NOSIP: variants seen among roughly 807,000 people sequenced by gnomAD.
NOSIP encodes nitric oxide synthase interacting protein.
NOSIP carries 25 observed loss-of-function variants against 36.4 expected under a neutral mutation model. That is an observed-to-expected ratio of 0.69 (90% CI 0.50 to 0.96). The LOEUF is 0.96. NOSIP is among the 40% of genes least tolerant of loss of function. The pLI, the probability that NOSIP is intolerant of heterozygous loss-of-function variation, is 0.00. For synonymous variants in NOSIP, 187 were observed against 179.2 expected, an observed-to-expected ratio of 1.04 and a Z score of -0.35; for missense variants, 370 against 429.0, an observed-to-expected ratio of 0.86 and a Z score of 1.21.
At position 49,560,358 on chromosome 19, in the gene NOSIP, T is replaced by C. The variant is rs77834683; in HGVS notation, c.70+264A>G. On this transcript the variant is annotated intron_variant, in intron 2 of 8. Coordinates refer to ENST00000596358, the MANE Select transcript of NOSIP (RefSeq NM_001270960.2). This position sits in a 1 kb window ranked among gnomAD's most constrained non-coding sequence, Gnocchi z 4.6. ...CTGTCCCTCTTTGGGCCTCAGTTTCTTCCTCTGGAACATGGGGTAACAAGA... is the reference window on the plus strand; with the variant it reads ...CTGTCCCTCTTTGGGCCTCAGTTTCCTCCTCTGGAACATGGGGTAACAAGA... The C allele has an allele frequency of 2.3e-3, 1,326 of 578,480 alleles. 9 individuals are homozygous for C. The highest frequency in any genetic ancestry group is 0.022 in the African/African-American group (1,155 of 53,520). The allele number at this position is 578,480 out of a possible 1,614,324, so 35.8% of individuals were successfully genotyped here.
chr19:49,579,748 A>C (rs2080600542), intron 1 of NOSIP, among the ~76,000 whole-genome samples: 1 of 152,194 alleles, frequency 6.6e-6, no homozygotes, highest in African/African-American at 2.4e-5. Context: ...CTTAAGTGTC[A>C]TGATGCCTAC....
At chr19:49,555,925 G>A (rs903040590) in intron 8 of NOSIP, 103 bp from the exon 9 acceptor site, 9 of 826,736 alleles carry the variant, frequency 1.1e-5, no homozygotes, top group Non-Finnish European at 1.8e-5. Flanking sequence ...GGTGAAGCGG[G>A]TTGCTGGCTA....
intron 1 of NOSIP, among the ~76,000 whole-genome samples, chr19:49,576,840 C>T (rs1220452729): frequency 1.4e-5 from 2 of 140,522 alleles, no homozygotes; most frequent in Non-Finnish European, 3.0e-5. Flanking sequence ...GCCAAGATCG[C>T]ACCATTGCAC....
chr19:49,556,843 ACCGTGCGTG>A (rs1375330288), intron 6 of NOSIP, 23 bp downstream of exon 6: 1 of 1,602,916 alleles, frequency 6.2e-7, no homozygotes, highest in South Asian at 1.1e-5. Flanking sequence ...GCGCCCTGGC[ACCGTGCGTG>A]CCGGGGCGCT....
At position 49,555,939 on chromosome 19, in the gene NOSIP, A is replaced by T; in HGVS notation, c.835-117T>A. 3 of 725,224 alleles carry T rather than the reference A, an allele frequency of 4.1e-6. No homozygotes were observed. In the South Asian group the frequency reaches 4.8e-5, roughly 12 times the overall value. The allele number at this position is 725,224 out of a possible 1,614,324, so 44.9% of individuals were successfully genotyped here. On this transcript the variant is annotated intron_variant, in intron 8 of 8. Coordinates refer to ENST00000596358, the MANE Select transcript of NOSIP (RefSeq NM_001270960.2). The stretch of plus-strand genomic sequence containing the variant: ...AGGTGAAGCGGGTTGCTGGCTAAGG[A>T]GTAGGAGTTGGGGAGGGGGCGAGGC...
intron 6 of NOSIP, 25 bp downstream of exon 6, chr19:49,556,850 G>A: frequency 6.2e-7 from 1 of 1,604,694 alleles, no homozygotes; most frequent in Non-Finnish European, 8.5e-7. Context: ...GGCACCGTGC[G>A]TGCCGGGGCG....
chr19:49,560,486 T>C lies in NOSIP; in HGVS notation c.70+136A>G. The C allele has an allele frequency of 1.5e-6, 1 of 680,566 alleles. No individual in the cohort carries two copies. Among genetic ancestry groups the C allele is most frequent in the Non-Finnish European group, 2.6e-6 (1 of 381,458 alleles). The allele number at this position is 680,566 out of a possible 1,614,324, so 42.2% of individuals were successfully genotyped here. A position where few individuals can be genotyped will look rare whatever the true frequency, so the allele number is the denominator to read the frequency against. ...GTCATGGGATCACCCAGCTGTTGTT[T>C]ACATGGTCATGGCCATCAGTGTATA... On this transcript the variant is annotated intron_variant, in intron 2 of 8. Coordinates refer to ENST00000596358, the MANE Select transcript of NOSIP (RefSeq NM_001270960.2). This position sits in a 1 kb window ranked among gnomAD's most constrained non-coding sequence, Gnocchi z 4.6.
intron 1 of NOSIP, among the ~76,000 whole-genome samples, chr19:49,566,255 C>T (rs1169069878): frequency 6.6e-6 from 1 of 152,118 alleles, no homozygotes; most frequent in Non-Finnish European, 1.5e-5. Context: ...CTCCTGACCT[C>T]GTGATCCGCC....
At chr19:49,561,769 C>G (rs2080337921) in intron 1 of NOSIP, among the ~76,000 whole-genome samples, 1 of 151,962 alleles carries the variant, frequency 6.6e-6, no homozygotes, top group South Asian at 2.1e-4. Flanking sequence ...GTAATCCCAA[C>G]TACTCGGGAG....
Position 49,557,262 on chromosome 19 carries a change from A to G in NOSIP, c.259-13T>C. 6.4e-7 allele frequency: 1 copy of G among 1,569,014 alleles called. No homozygotes were observed. The highest frequency in any genetic ancestry group is 8.6e-7 in the Non-Finnish European group (1 of 1,158,546). On this transcript the variant is annotated splice_polypyrimidine_tract_variant and intron_variant, in intron 4 of 8. Transcript: ENST00000596358. ...GCTTCTCGTAGGCCTGCGTCGGGGAAAGTGGGCTGAGCATCTGCCCGTGGG... is the reference window on the plus strand; with the variant it reads ...GCTTCTCGTAGGCCTGCGTCGGGGAGAGTGGGCTGAGCATCTGCCCGTGGG...
At chr19:49,575,913 T>C (rs566624929) in intron 1 of NOSIP, among the ~76,000 whole-genome samples, 3 of 152,124 alleles carry the variant, frequency 2.0e-5, no homozygotes, top group African/African-American at 7.2e-5. Context: ...GGGCAGATCG[T>C]GAGGTCAGGA....
At position 49,557,256 on chromosome 19, in the gene NOSIP, C is replaced by CG; in HGVS notation, c.259-8dup. ...CCCGCTGCTTCTCGTAGGCCTGCGT[C>CG]GGGGAAAGTGGGCTGAGCATCTGCC... On this transcript the variant is annotated splice_region_variant and splice_polypyrimidine_tract_variant and intron_variant, in intron 4 of 8. Transcript: ENST00000596358. 1 of 1,574,462 alleles carries CG rather than the reference C, an allele frequency of 6.4e-7. No individual in the cohort carries two copies. The highest frequency in any genetic ancestry group is 8.6e-7 in the Non-Finnish European group (1 of 1,161,390).
intron 4 of NOSIP, 106 bp downstream of exon 4, chr19:49,558,791 A>C: frequency 2.2e-6 from 2 of 919,286 alleles, no homozygotes; most frequent in South Asian, 2.7e-5. Context: ...GGAATGGTGT[A>C]CCAGGCAGAG....
Position 49,555,647 on chromosome 19 carries a change from G to A in NOSIP, c.*104C>T, listed in dbSNP as rs1415899771. On this transcript the variant is annotated 3_prime_UTR_variant, in exon 9 of 9. Coordinates refer to ENST00000596358, the MANE Select transcript of NOSIP (RefSeq NM_001270960.2). ...TGCGCTGTAGGAGCACTGTTTGCACGGCCCTGCATCCTCGCCTGCCCTGTC... is the reference window on the plus strand; with the variant it reads ...TGCGCTGTAGGAGCACTGTTTGCACAGCCCTGCATCCTCGCCTGCCCTGTC... 4 of 885,098 alleles carry A rather than the reference G, an allele frequency of 4.5e-6. No homozygotes were observed. The highest frequency in any genetic ancestry group is 7.4e-6 in the Non-Finnish European group (4 of 542,722). The allele number at this position is 885,098 out of a possible 1,614,324, so 54.8% of individuals were successfully genotyped here.
chr19:49,564,912 G>A (rs1354394238), intron 1 of NOSIP, among the ~76,000 whole-genome samples: 1 of 152,082 alleles, frequency 6.6e-6, no homozygotes, highest in East Asian at 1.9e-4. Flanking sequence ...CACCAGACAC[G>A]CAAAAGAAAA....
intron 4 of NOSIP, chr19:49,557,918 T>G: frequency 2.0e-6 from 2 of 987,368 alleles, no homozygotes; most frequent in Non-Finnish European, 2.4e-6. Flanking sequence ...CCAGGCTGTG[T>G]GGAGGACATG....
intron 1 of NOSIP, among the ~76,000 whole-genome samples, chr19:49,565,803 AC>A (rs1441390332): frequency 1.7e-4 from 26 of 151,196 alleles, no homozygotes; most frequent in Non-Finnish European, 3.8e-4. Flanking sequence ...TGGCGGGGGA[AC>A]CCCCACTCCA....
At chr19:49,557,888 G>A (rs1319568679) in intron 4 of NOSIP, 1 of 987,784 alleles carries the variant, frequency 1.0e-6, no homozygotes, top group Non-Finnish European at 1.2e-6. Flanking sequence ...GGATGCTCAT[G>A]AGGGCCTCCG....
chr19:49,556,009 A>T (rs1367259765), intron 8 of NOSIP, among the ~76,000 whole-genome samples, 187 bp from the exon 9 acceptor site: 1 of 133,380 alleles, frequency 7.5e-6, no homozygotes, highest in Non-Finnish European at 1.6e-5. Flanking sequence ...CGCAGAGAAG[A>T]GGGTAGAGAG....
Sources: gnomAD v4.1 joint callset for allele counts (sites outside exome capture counted in the v4.1 genomes callset) on GRCh38, gnomAD v4.1.1 for gene constraint, Gnocchi (gnomAD v3.1) non-coding constraint, MANE v1.5 for transcripts, NCBI Gene and HGNC (gene_info 2026-07-23, HGNC 2026-07-21) for gene names.